The following DCC variants were observed in gnomAD, a reference collection of about 807,000 sequenced individuals.
The protein encoded by DCC is DCC netrin 1 receptor.
In DCC, 58 loss-of-function variants were observed where a neutral mutation model predicts 172.5. The ratio of observed to expected loss-of-function variants is 0.34; its 90% CI spans 0.27 to 0.42. The LOEUF is 0.42. Among genes scored for constraint, DCC ranks in the 10% least tolerant of loss-of-function variants. DCC has a pLI of 1.00. For missense variants in DCC, 1,740 were observed against 1,791.0 expected, an observed-to-expected ratio of 0.97 and a Z score of 0.51; for synonymous variants, 709 against 644.5, an observed-to-expected ratio of 1.10 and a Z score of -1.52.
chr18:52,796,431 T>A (rs1441974585), intron 2 of DCC, among the ~76,000 whole-genome samples: 1 of 152,160 alleles, frequency 6.6e-6, no homozygotes, highest in African/African-American at 2.4e-5. Context: ...TTCATGTATT[T>A]CCATGATGGT....
intron 7 of DCC, among the ~76,000 whole-genome samples, chr18:53,072,312 AC>A: frequency 6.6e-6 from 1 of 152,250 alleles, no homozygotes; most frequent in East Asian, 1.9e-4. Context: ...TAAATTAAGG[AC>A]CCTGTTTGGT....
chr18:52,895,625 T>A (rs1270777523), intron 2 of DCC, among the ~76,000 whole-genome samples: 2 of 152,246 alleles, frequency 1.3e-5, no homozygotes, highest in Non-Finnish European at 2.9e-5. Context: ...TATAATGTTA[T>A]GTACAGTGGA....
intron 1 of DCC, among the ~76,000 whole-genome samples, chr18:52,371,056 C>G (rs74760464): frequency 0.011 from 1,717 of 152,214 alleles, 30 homozygotes; most frequent in East Asian, 0.066. Flanking sequence ...ACAAAGAGAA[C>G]TCTTTGTCAG....
At chr18:52,346,057 T>C (rs976611373) in intron 1 of DCC, among the ~76,000 whole-genome samples, 5 of 152,210 alleles carry the variant, frequency 3.3e-5, no homozygotes, top group African/African-American at 1.2e-4. Flanking sequence ...AATAATATCA[T>C]AATATCAGTA....
intron 1 of DCC, among the ~76,000 whole-genome samples, chr18:52,716,131 GGGGCCCTT>G (rs1268079670): frequency 3.3e-5 from 5 of 152,252 alleles, no homozygotes; most frequent in African/African-American, 1.2e-4. Context: ...TTCCTCTGCA[GGGGCCCTT>G]GCAAGGCCCT....
At chr18:52,592,348 C>T (rs2033819233) in intron 1 of DCC, among the ~76,000 whole-genome samples, 2 of 152,104 alleles carry the variant, frequency 1.3e-5, no homozygotes, top group Admixed American at 6.6e-5. Flanking sequence ...CAGCTATTTC[C>T]TTTTCTTTTC....
chr18:52,438,612 A>G (rs1032939463), intron 1 of DCC, among the ~76,000 whole-genome samples: 4 of 152,172 alleles, frequency 2.6e-5, no homozygotes, highest in African/African-American at 9.7e-5. Flanking sequence ...TAAACAAGAA[A>G]CTCTTTAAAA....
chr18:53,100,875 A>G (rs989562648), intron 7 of DCC, among the ~76,000 whole-genome samples: 2 of 152,138 alleles, frequency 1.3e-5, no homozygotes, highest in African/African-American at 2.4e-5. Flanking sequence ...AGAGAGGGCT[A>G]CCATCCTTGC....
At chr18:52,504,839 C>T (rs2031171511) in intron 1 of DCC, among the ~76,000 whole-genome samples, 1 of 152,066 alleles carries the variant, frequency 6.6e-6, no homozygotes, top group Non-Finnish European at 1.5e-5. Context: ...CAACTTAAAT[C>T]CCACGCACTG....
chr18:52,346,095 A>G (rs949454865), intron 1 of DCC, among the ~76,000 whole-genome samples: 7 of 152,238 alleles, frequency 4.6e-5, no homozygotes, highest in Non-Finnish European at 1.0e-4. Context: ...TGTATTTAAG[A>G]TATTGTTCTT....
chr18:53,478,687 C>T (rs1599197390), intron 25 of DCC, among the ~76,000 whole-genome samples: 1 of 152,180 alleles, frequency 6.6e-6, no homozygotes, highest in African/African-American at 2.4e-5. Flanking sequence ...TCTGGGCTTT[C>T]TAGAACATTC....
intron 7 of DCC, among the ~76,000 whole-genome samples, chr18:53,151,479 T>C (rs2043994813): frequency 1.3e-5 from 2 of 152,222 alleles, no homozygotes; most frequent in Admixed American, 6.5e-5. Context: ...ATTCCATCAA[T>C]ATTCATTATT....
intron 2 of DCC, among the ~76,000 whole-genome samples, chr18:52,781,977 AT>A (rs1280314017): frequency 6.6e-6 from 1 of 152,118 alleles, no homozygotes; most frequent in Non-Finnish European, 1.5e-5. Context: ...ACAGGGAGAA[AT>A]TTTAGCAAGA....
At chr18:53,053,630 A>G (rs1342041323) in intron 5 of DCC, among the ~76,000 whole-genome samples, 1 of 152,206 alleles carries the variant, frequency 6.6e-6, no homozygotes, top group African/African-American at 2.4e-5. Flanking sequence ...AGAAACATTT[A>G]TTCTACGCTT....
chr18:52,768,308 C>A (rs1431742), intron 2 of DCC, among the ~76,000 whole-genome samples: 106,806 of 152,092 alleles, frequency 0.7, 40,251 homozygotes, highest in East Asian at 0.89. Context: ...TAATGAGTAA[C>A]CTTTTCACAC....
intron 1 of DCC, among the ~76,000 whole-genome samples, chr18:52,564,465 A>T (rs2033108119): frequency 6.6e-6 from 1 of 152,124 alleles, no homozygotes; most frequent in African/African-American, 2.4e-5. Flanking sequence ...GAAGTAATAT[A>T]TACCTAATCT....
chr18:52,397,627 C>T (rs955169320), intron 1 of DCC, among the ~76,000 whole-genome samples: 4 of 151,996 alleles, frequency 2.6e-5, no homozygotes, highest in African/African-American at 9.7e-5. Context: ...GGGGATCTAA[C>T]TTTGACTCTT....
At position 53,346,218 on chromosome 18, in the gene DCC, A is replaced by G. The variant is rs1321144858; in HGVS notation, c.2359+6311A>G. The stretch of plus-strand genomic sequence containing the variant: ...TATTTTTTTGCTGGGTGCTTTTAAG[A>G]CTTCTTTAAAATATTTGATTTCCAG... On this transcript the variant is annotated intron_variant, in intron 15 of 28. Transcript: ENST00000442544. Among the ~76,000 whole-genome samples, 4 of 152,106 alleles carry G rather than the reference A, an allele frequency of 2.6e-5. No homozygotes were observed. In the East Asian group the frequency reaches 5.8e-4, roughly 22 times the overall value.
chr18:52,999,493 C>T (rs958297820), intron 5 of DCC, among the ~76,000 whole-genome samples: 7 of 151,988 alleles, frequency 4.6e-5, no homozygotes, highest in African/African-American at 1.7e-4. Context: ...CAGAGCAAAG[C>T]CTGAGAAAGG....
Sources: allele counts gnomAD v4.1 joint callset (sites outside exome capture counted in the v4.1 genomes callset), GRCh38; gene constraint gnomAD v4.1.1; transcripts MANE v1.5; gene names NCBI Gene and HGNC (gene_info 2026-07-23, HGNC 2026-07-21).